The following RBM26 variants were observed in gnomAD, a reference collection of about 807,000 sequenced individuals.
The protein encoded by RBM26 is RNA-binding protein 26.
A neutral mutation model predicts 123.6 loss-of-function variants in RBM26; 30 were observed. The ratio of observed to expected loss-of-function variants is 0.24; its 90% CI spans 0.18 to 0.33. The LOEUF (loss-of-function observed/expected upper bound fraction) is 0.33, where lower values mean the gene tolerates loss of function less well. Ranked by LOEUF, RBM26 falls within the 10% of genes least tolerant of loss-of-function variation. The pLI is 1.00. For missense variants in RBM26, 947 were observed against 1,203.6 expected (o/e 0.79, Z 3.15); for synonymous variants, 400 against 404.4 (o/e 0.99, Z 0.13).
Position 79,374,729 on chromosome 13 carries a change from C to T in RBM26, c.327+2650G>A, listed in dbSNP as rs566549029. On this transcript the variant is annotated intron_variant, in intron 3 of 21. Coordinates refer to ENST00000438737, the MANE Select transcript of RBM26 (RefSeq NM_001366735.2). The stretch of plus-strand genomic sequence containing the variant: ...CTTCTATTTCCTCAATGCACTTTTG[C>T]GAGTTATCTAACAGATCACCATATT... Among the ~76,000 whole-genome samples, 10 of 152,108 alleles carry T rather than the reference C, an allele frequency of 6.6e-5. No homozygotes were observed. In the South Asian group the frequency reaches 1.9e-3, roughly 28 times the overall value.
Position 79,365,734 on chromosome 13 carries a change from C to CTG in RBM26, c.1277-18_1277-17dup. The CTG allele has an allele frequency of 6.3e-7, 1 of 1,599,952 alleles. No individual in the cohort carries two copies. Among genetic ancestry groups the CTG allele is most frequent in the East Asian group, 2.2e-5 (1 of 44,800 alleles). On this transcript the variant is annotated splice_polypyrimidine_tract_variant and intron_variant, in intron 8 of 21. Transcript: ENST00000438737. Reference sequence around the variant, plus strand: ...TCATATGTATCTGGTAATACAAAAACTGTAATTAAAAAACAATTATAAAAC... The same window carrying CTG: ...TCATATGTATCTGGTAATACAAAAACTGTGTAATTAAAAAACAATTATAAAAC...
chr13:79,365,957 G>GA, intron 8 of RBM26, 98 bp downstream of exon 8: 5 of 1,218,344 alleles, frequency 4.1e-6, no homozygotes, highest in Non-Finnish European at 5.8e-6. Flanking sequence ...ATTTTAGTGA[G>GA]AAAAGTAGTC....
At chr13:79,373,327 T>C (rs1458816447) in intron 3 of RBM26, among the ~76,000 whole-genome samples, 1 of 105,236 alleles carries the variant, frequency 9.5e-6, no homozygotes, top group African/African-American at 3.8e-5. Flanking sequence ...TATATATAAA[T>C]ATAAAATATA....
At chr13:79,338,849 G>C (rs1339374040) in intron 18 of RBM26, among the ~76,000 whole-genome samples, 1 of 152,162 alleles carries the variant, frequency 6.6e-6, no homozygotes, top group Non-Finnish European at 1.5e-5. Flanking sequence ...GATACATTTA[G>C]GAGTAACATA....
At chr13:79,383,810 G>C (rs184048926) in intron 1 of RBM26, among the ~76,000 whole-genome samples, 29 of 152,194 alleles carry the variant, frequency 1.9e-4, no homozygotes, top group Admixed American at 1.4e-3. Flanking sequence ...TAAGGAGAAA[G>C]AAAACAGAAA....
intron 1 of RBM26, among the ~76,000 whole-genome samples, chr13:79,392,428 T>C (rs1480687941): frequency 1.4e-5 from 2 of 146,218 alleles, no homozygotes; most frequent in African/African-American, 2.5e-5. Context: ...TGGAGCATTA[T>C]ATATTATATA....
At chr13:79,322,302 G>T in intron 21 of RBM26, 47 bp downstream of exon 21, 1 of 1,208,122 alleles carries the variant, frequency 8.3e-7, no homozygotes, top group Non-Finnish European at 1.2e-6. Flanking sequence ...TTATATAAAA[G>T]CTATGAACGA....
At chr13:79,325,199 A>G (rs1375275888) in intron 20 of RBM26, among the ~76,000 whole-genome samples, 1 of 152,196 alleles carries the variant, frequency 6.6e-6, no homozygotes, top group Admixed American at 6.6e-5. Context: ...TTACTAGTTT[A>G]CATATTTACT....
intron 14 of RBM26, 123 bp from the exon 15 acceptor site, chr13:79,344,917 G>T: frequency 1.2e-6 from 1 of 820,716 alleles, no homozygotes; most frequent in Non-Finnish European, 1.9e-6. Context: ...TGAACTAAAT[G>T]TATTTTATAC....
chr13:79,322,973 T>C (rs757605439), intron 20 of RBM26, among the ~76,000 whole-genome samples: 3 of 151,450 alleles, frequency 2.0e-5, no homozygotes, highest in Non-Finnish European at 4.4e-5. Context: ...GTATATTATT[T>C]TCAAATTACA....
chr13:79,404,704 T>C (rs796985938), intron 1 of RBM26, among the ~76,000 whole-genome samples: 6 of 152,336 alleles, frequency 3.9e-5, no homozygotes, highest in African/African-American at 1.4e-4. Flanking sequence ...TGGTCCCTTC[T>C]CTTTAGATGT....
At chr13:79,393,138 C>T (rs908448492) in intron 1 of RBM26, among the ~76,000 whole-genome samples, 2 of 152,204 alleles carry the variant, frequency 1.3e-5, no homozygotes, top group African/African-American at 4.8e-5. Flanking sequence ...CTAACAAAGT[C>T]TGAGTGTAGA....
intron 3 of RBM26, among the ~76,000 whole-genome samples, chr13:79,374,511 C>T (rs1289759413): frequency 6.6e-6 from 1 of 151,936 alleles, no homozygotes; most frequent in African/African-American, 2.4e-5. Context: ...AAAAAGTGTG[C>T]CACTTTAGAT....
At chr13:79,357,697 G>A (rs1362579554) in intron 11 of RBM26, among the ~76,000 whole-genome samples, 1 of 152,142 alleles carries the variant, frequency 6.6e-6, no homozygotes, top group Non-Finnish European at 1.5e-5. Context: ...TTGAGAAACT[G>A]AGGAACTGAA....
chr13:79,338,973 A>G (rs2070921915), intron 18 of RBM26, among the ~76,000 whole-genome samples: 1 of 152,190 alleles, frequency 6.6e-6, no homozygotes. Context: ...GAGCAAGATA[A>G]GCAAAATTTT....
intron 3 of RBM26, among the ~76,000 whole-genome samples, chr13:79,373,479 CAAATATATATAATATGTATAAAT>C (rs2076296551): frequency 2.7e-3 from 4 of 1,476 alleles, no homozygotes; most frequent in Non-Finnish European, 7.1e-3. Flanking sequence ...TATAAATATA[CAAATATATATAATATGTATAAAT>C]ATACTTATTT....
chr13:79,358,763 T>C (rs2074319150), intron 10 of RBM26, among the ~76,000 whole-genome samples: 1 of 152,210 alleles, frequency 6.6e-6, no homozygotes, highest in South Asian at 2.1e-4. Flanking sequence ...TTTATTCTGA[T>C]TCTGTAAAAG....
At chr13:79,369,894 C>T (rs2075702588) in intron 5 of RBM26, among the ~76,000 whole-genome samples, 1 of 152,110 alleles carries the variant, frequency 6.6e-6, no homozygotes, top group Non-Finnish European at 1.5e-5. Context: ...AAATGATGTA[C>T]ATATTCATCA....
chr13:79,364,935 T>A (rs758437449), intron 9 of RBM26, among the ~76,000 whole-genome samples: 6 of 151,944 alleles, frequency 3.9e-5, no homozygotes, highest in Non-Finnish European at 8.8e-5. Context: ...AATAAACTTA[T>A]CTTTAGGAAT....
Sources: allele counts gnomAD v4.1 joint callset (sites outside exome capture counted in the v4.1 genomes callset), GRCh38; gene constraint gnomAD v4.1.1; transcripts MANE v1.5; gene names NCBI Gene and HGNC (gene_info 2026-07-23, HGNC 2026-07-21).